Variants in PADI2 observed in about 807,000 individuals in gnomAD.
The protein encoded by PADI2 is protein-arginine deiminase type-2.
Under a neutral mutation model 81.1 loss-of-function variants are expected in PADI2, and 70 were observed. That is an observed-to-expected ratio of 0.86 (90% CI 0.71 to 1.05). The LOEUF is 1.05. Among genes scored for constraint, PADI2 ranks in the 50% least tolerant of loss-of-function variants. The pLI is 0.00. For synonymous variants in PADI2, 338 were observed against 358.0 expected (o/e 0.94, Z 0.63); for missense variants, 853 against 889.9 (o/e 0.96, Z 0.53).
At chr1:17,118,815 C>T (rs750008448) in intron 1 of PADI2, among the ~76,000 whole-genome samples, 7 of 152,172 alleles carry the variant, frequency 4.6e-5, no homozygotes, top group Non-Finnish European at 8.8e-5. Context: ...CAGCTCCCTT[C>T]GGGTCCTGCC....
At chr1:17,082,822 T>G (rs1294569569) in intron 9 of PADI2, 170 bp from the exon 10 acceptor site, 3 of 559,274 alleles carry the variant, frequency 5.4e-6, no homozygotes, top group Admixed American at 3.4e-5. Flanking sequence ...AGCACAGGTG[T>G]CCATAGGCAG....
intron 3 of PADI2, among the ~76,000 whole-genome samples, chr1:17,100,952 G>A (rs575868207): frequency 6.6e-6 from 1 of 152,088 alleles, no homozygotes; most frequent in South Asian, 2.1e-4. Context: ...GAGACACCGC[G>A]CCTGGCCACA....
intron 1 of PADI2, among the ~76,000 whole-genome samples, chr1:17,107,166 A>C (rs1931410217): frequency 6.6e-6 from 1 of 152,124 alleles, no homozygotes; most frequent in South Asian, 2.1e-4. Flanking sequence ...TGTGACTAAG[A>C]CATAGGTGTA....
At chr1:17,088,847 T>G (rs544426917) in intron 6 of PADI2, among the ~76,000 whole-genome samples, 19 of 133,802 alleles carry the variant, frequency 1.4e-4, no homozygotes, top group Admixed American at 8.9e-4. Context: ...GCAGAGATTG[T>G]GGTGAGCCAA....
intron 3 of PADI2, among the ~76,000 whole-genome samples, chr1:17,101,962 C>T (rs1357873592): frequency 6.6e-6 from 1 of 152,206 alleles, no homozygotes; most frequent in Non-Finnish European, 1.5e-5. Context: ...GAGCCTGGCA[C>T]ACCATAGGTG....
At chr1:17,104,018 C>G (rs1457392820) in intron 2 of PADI2, among the ~76,000 whole-genome samples, 1 of 150,602 alleles carries the variant, frequency 6.6e-6, no homozygotes, top group Non-Finnish European at 1.5e-5. Flanking sequence ...CGCGGTGGCT[C>G]ACGCCTGTAA....
chr1:17,099,829 G>T (rs557754756), intron 3 of PADI2, among the ~76,000 whole-genome samples: 2 of 152,192 alleles, frequency 1.3e-5, no homozygotes, highest in Admixed American at 6.5e-5. Context: ...TCTGTGAAGC[G>T]CATTTTATAG....
chr1:17,105,100 G>T, intron 1 of PADI2, 39 bp from the exon 2 acceptor site: 7 of 1,423,380 alleles, frequency 4.9e-6, no homozygotes, highest in Non-Finnish European at 6.6e-6. Flanking sequence ...GAGAGCCCTG[G>T]GGTAGGTGGG....
intron 9 of PADI2, 146 bp from the exon 10 acceptor site, chr1:17,082,798 A>G: frequency 1.7e-6 from 1 of 593,746 alleles, no homozygotes; most frequent in South Asian, 2.0e-5. Flanking sequence ...TCCTCCCCTC[A>G]CACTGATGAT....
intron 3 of PADI2, among the ~76,000 whole-genome samples, chr1:17,099,535 G>A (rs74893844): frequency 0.018 from 2,776 of 152,286 alleles, 80 homozygotes; most frequent in African/African-American, 0.063. Flanking sequence ...GTGAGTCCTA[G>A]TGGGGGTGGT....
chr1:17,104,964 T>C lies in PADI2; in HGVS notation c.190A>G (p.Asn64Asp). The change falls in exon 2 of 16, where the codon AAT becomes GAT. Residue 64 changes from asparagine (N) to aspartate (D), a missense_variant. Asn to Asp is a conservative substitution (Grantham distance 23). Transcript: ENST00000375486. ...RDGEAEEVAT[N>D]GKQRWLLSPS... The stretch of plus-strand genomic sequence containing the variant: ...GAGAGAAGCCAGCGCTGCTTGCCAT[T>C]GGTGGCCACCTCCTCAGCCTCCCCA... The C allele has an allele frequency of 6.2e-7, 1 of 1,609,934 alleles. No homozygotes were observed. The highest frequency in any genetic ancestry group is 8.5e-7 in the Non-Finnish European group (1 of 1,179,188).
intron 13 of PADI2, among the ~76,000 whole-genome samples, chr1:17,072,798 G>A (rs913398493): frequency 6.6e-6 from 1 of 152,114 alleles, no homozygotes; most frequent in African/African-American, 2.4e-5. Context: ...GAAATCTGGG[G>A]CACTGCTTGC....
chr1:17,109,389 TAAAAAA>T (rs566123530), intron 1 of PADI2, among the ~76,000 whole-genome samples: 2 of 50,066 alleles, frequency 4.0e-5, no homozygotes, highest in African/African-American at 1.0e-4. Flanking sequence ...CTCTGTCTAT[TAAAAAA>T]AAAAAAAAAA....
At chr1:17,095,768 A>G (rs1930900847) in intron 4 of PADI2, 141 bp downstream of exon 4, 1 of 617,730 alleles carries the variant, frequency 1.6e-6, no homozygotes, top group Non-Finnish European at 2.9e-6. Flanking sequence ...TGTGGGTTCC[A>G]TCATTGGTAT....
chr1:17,095,152 A>C (rs1214656904), intron 4 of PADI2, among the ~76,000 whole-genome samples: 1 of 152,262 alleles, frequency 6.6e-6, no homozygotes, highest in Non-Finnish European at 1.5e-5. Flanking sequence ...ACAGAAGGGC[A>C]GAAAATGGAA....
intron 13 of PADI2, among the ~76,000 whole-genome samples, chr1:17,073,304 C>T (rs1428613915): frequency 6.6e-6 from 1 of 151,580 alleles, no homozygotes; most frequent in Non-Finnish European, 1.5e-5. Flanking sequence ...GTAATCCCAG[C>T]TACTGGGGAG....
chr1:17,095,817 T>G, intron 4 of PADI2, 92 bp downstream of exon 4: 214 of 989,148 alleles, frequency 2.2e-4, no homozygotes, highest in Non-Finnish European at 3.1e-4. Flanking sequence ...TTTAGTCTCC[T>G]GAGCTGTGAA....
intron 5 of PADI2, among the ~76,000 whole-genome samples, chr1:17,093,080 A>ATTC (rs536299964): frequency 0.022 from 3,347 of 150,082 alleles, 74 homozygotes; most frequent in Admixed American, 0.065. Context: ...TTTTCTTTTT[A>ATTC]TTCTTCTTCT....
Position 17,067,638 on chromosome 1 carries a change from T to G in PADI2, c.*1406A>C, listed in dbSNP as rs1028365789. The stretch of plus-strand genomic sequence containing the variant: ...GCATGTTGGGGAGTGATGGGTTCCA[T>G]GCCAGTAGGGACCAGGTCCAGACTG... On this transcript the variant is annotated 3_prime_UTR_variant, in exon 16 of 16. Coordinates refer to ENST00000375486, the MANE Select transcript of PADI2 (RefSeq NM_007365.3). The G allele has an allele frequency of 3.9e-5, 6 of 152,358 alleles. No homozygotes were observed. In the South Asian group the frequency reaches 1.2e-3, roughly 32 times the overall value. 9.4% of individuals were successfully genotyped at this position (152,358 alleles called of 1,614,324 possible).
Sources: gnomAD v4.1 joint callset for allele counts (sites outside exome capture counted in the v4.1 genomes callset) on GRCh38, gnomAD v4.1.1 for gene constraint, MANE v1.5 for transcripts, NCBI Gene and HGNC (gene_info 2026-07-23, HGNC 2026-07-21) for gene names.